The following HDAC9 variants were observed in gnomAD, a reference collection of about 807,000 sequenced individuals.
HDAC9 encodes the protein histone deacetylase 9, also known as MEF-2 interacting transcription repressor (MITR) protein.
In HDAC9, 41 loss-of-function variants were observed where a neutral mutation model predicts 139.4. That is an observed-to-expected ratio of 0.29 (90% CI 0.23 to 0.38). The LOEUF is 0.38. Among genes scored for constraint, HDAC9 ranks in the 10% least tolerant of loss-of-function variants. HDAC9 has a pLI of 1.00. For missense variants in HDAC9, 1,147 were observed against 1,297.0 expected (o/e 0.88, Z 1.78); for synonymous variants, 517 against 476.2 (o/e 1.09, Z -1.12).
At chr7:18,167,431 A>C (rs1788084402) in intron 2 of HDAC9, among the ~76,000 whole-genome samples, 1 of 152,166 alleles carries the variant, frequency 6.6e-6, no homozygotes, top group Admixed American at 6.6e-5. Context: ...TGCTTTTCAC[A>C]ATTAATTTTG....
At chr7:18,569,362 G>C (rs1823502872) in intron 2 of HDAC9, among the ~76,000 whole-genome samples, 1 of 152,030 alleles carries the variant, frequency 6.6e-6, no homozygotes, top group African/African-American at 2.4e-5. Context: ...ATCATTCTTA[G>C]GTTGCAGGCC....
At chr7:18,667,490 C>T in intron 12 of HDAC9, 1 of 984,250 alleles carries the variant, frequency 1.0e-6, no homozygotes, top group Non-Finnish European at 1.2e-6. Flanking sequence ...AAAAAATTTA[C>T]TTGTATATAA....
chr7:18,419,516 T>C (rs1789420022), intron 1 of HDAC9, among the ~76,000 whole-genome samples: 1 of 152,192 alleles, frequency 6.6e-6, no homozygotes, highest in Non-Finnish European at 1.5e-5. Context: ...CCACTAAGCA[T>C]TTCCTGGCAG....
At chr7:18,924,161 A>G (rs564607045) in intron 22 of HDAC9, among the ~76,000 whole-genome samples, 82 of 151,800 alleles carry the variant, frequency 5.4e-4, no homozygotes, top group Non-Finnish European at 8.4e-4. Context: ...TATCCTAACT[A>G]TCCTATTGGG....
At chr7:18,212,731 C>A (rs565526969) in intron 2 of HDAC9, among the ~76,000 whole-genome samples, 1 of 152,276 alleles carries the variant, frequency 6.6e-6, no homozygotes, top group South Asian at 2.1e-4. Flanking sequence ...AGGTAAGTTC[C>A]AAAGATTAGG....
intron 12 of HDAC9, among the ~76,000 whole-genome samples, chr7:18,723,872 G>A (rs1785326825): frequency 6.6e-6 from 1 of 152,060 alleles, no homozygotes; most frequent in South Asian, 2.1e-4. Context: ...AATATCTATT[G>A]CATTTTCTTA....
chr7:18,359,894 C>T (rs751593804), intron 1 of HDAC9, among the ~76,000 whole-genome samples: 4 of 152,174 alleles, frequency 2.6e-5, no homozygotes, highest in Non-Finnish European at 5.9e-5. Context: ...CAGGTGTGAG[C>T]CACCGTGCCT....
Position 18,202,758 on chromosome 7 carries a change from T to C in HDAC9, c.25+40409T>C, listed in dbSNP as rs76645907. 2.2e-3 allele frequency among the ~76,000 whole-genome samples: 336 copies of C among 152,280 alleles called. 8 individuals are homozygous for C. The East Asian group carries it at 0.038, about 17-fold the overall frequency. ...GTTTTTGCTTCATGGGCATGTCAAG[T>C]ATCTGTTATAGTGGAACCTGAGAGA... On this transcript the variant is annotated intron_variant, in intron 2 of 12. Coordinates refer to the HDAC9 transcript ENST00000417496.
In HDAC9 at chr7:18,874,480, C is replaced by G. The variant is rs866690485; in HGVS notation, c.2687C>G (p.Thr896Ser). 14 of 1,576,796 alleles carry G rather than the reference C, an allele frequency of 8.9e-6. No individual in the cohort carries two copies. The highest frequency in any genetic ancestry group is 4.3e-6 in the Non-Finnish European group (5 of 1,158,692). The part of the protein sequence containing the change: ...GDVEYLEAFR[T>S]IVKPVAKEFD... ...CCGGTTGCATTTTTACTGTGCAGGA[C>G]CATCGTGAAGCCTGTGGCCAAAGAG... The change falls in exon 22 of 26, where the codon ACC becomes AGC. Residue 896 changes from threonine (T) to serine (S), a missense_variant and splice_region_variant. Physicochemically the swap from Thr to Ser is moderately conservative, Grantham distance 58. Around this residue, in one of 7 missense-constraint regions of HDAC9, gnomAD observed 407 missense variants for 521.5 expected, o/e 0.78. Coordinates refer to ENST00000686413, the MANE Select transcript of HDAC9 (RefSeq NM_178425.4).
At chr7:18,793,900 G>A (rs1260596580) in intron 17 of HDAC9, among the ~76,000 whole-genome samples, 1 of 152,130 alleles carries the variant, frequency 6.6e-6, no homozygotes, top group African/African-American at 2.4e-5. Flanking sequence ...GAGGAGGAAG[G>A]AAATTGTTGA....
chr7:18,668,412 CT>C, intron 12 of HDAC9: 1 of 936,512 alleles, frequency 1.1e-6, no homozygotes, highest in Non-Finnish European at 1.3e-6. Context: ...TCTTCAAAGT[CT>C]TTTTTCAATC....
chr7:18,813,672 G>T (rs772271095), intron 17 of HDAC9, among the ~76,000 whole-genome samples: 2 of 152,090 alleles, frequency 1.3e-5, no homozygotes, highest in Non-Finnish European at 2.9e-5. Context: ...TTTACTTTGT[G>T]GGAAACTACC....
chr7:18,652,609 A>G (rs1004639105), intron 11 of HDAC9, among the ~76,000 whole-genome samples: 3 of 152,080 alleles, frequency 2.0e-5, no homozygotes, highest in Non-Finnish European at 4.4e-5. Context: ...GCCATGCCCC[A>G]TCCCCTTGAC....
At chr7:18,972,277 T>C (rs902102825) in intron 24 of HDAC9, among the ~76,000 whole-genome samples, 46 of 152,120 alleles carry the variant, frequency 3.0e-4, no homozygotes, top group African/African-American at 1.1e-3. Context: ...GTGGAAGTTG[T>C]GCTCCATTGT....
chr7:18,946,036 CAAAAAAAAAAAAAAAAAAAAAAAA>C (rs1171055959), intron 23 of HDAC9, among the ~76,000 whole-genome samples: 1 of 38,260 alleles, frequency 2.6e-5, no homozygotes, highest in South Asian at 1.9e-3. Context: ...GACTCCGTCT[CAAAAAAAAAAAAAAAAAAAAAAAA>C]AAAAAAAAAA....
intron 2 of HDAC9, among the ~76,000 whole-genome samples, chr7:18,252,193 C>A (rs1006737028): frequency 5.3e-5 from 8 of 152,108 alleles, no homozygotes; most frequent in African/African-American, 1.9e-4. Flanking sequence ...TTGCCATCTA[C>A]AAGAGAAATG....
At chr7:18,858,965 A>G (rs550547840) in intron 21 of HDAC9, among the ~76,000 whole-genome samples, 1 of 152,036 alleles carries the variant, frequency 6.6e-6, no homozygotes, top group Non-Finnish European at 1.5e-5. Context: ...TAGAAACACT[A>G]TTTTTTCATC....
intron 12 of HDAC9, among the ~76,000 whole-genome samples, chr7:18,724,079 T>A (rs1318140910): frequency 6.6e-6 from 1 of 152,176 alleles, no homozygotes; most frequent in Non-Finnish European, 1.5e-5. Flanking sequence ...AGCTTCTCCT[T>A]GCATTTGTCA....
chr7:18,260,795 G>T (rs773290329), intron 2 of HDAC9, among the ~76,000 whole-genome samples: 1 of 152,160 alleles, frequency 6.6e-6, no homozygotes, highest in Non-Finnish European at 1.5e-5. Context: ...TATTCTCAAA[G>T]AGCATGAATA....
Sources: allele counts gnomAD v4.1 joint callset (sites outside exome capture counted in the v4.1 genomes callset), GRCh38; gene constraint gnomAD v4.1.1; regional missense constraint gnomAD v4.1.1; transcripts MANE v1.5; gene names NCBI Gene and HGNC (gene_info 2026-07-23, HGNC 2026-07-21).